CCNK: variants seen among roughly 807,000 people sequenced by gnomAD.
CCNK encodes the protein cyclin-K.
A neutral mutation model predicts 65.0 loss-of-function variants in CCNK; 9 were observed. That is an observed-to-expected ratio of 0.14 (90% confidence interval 0.08 to 0.24). The LOEUF is 0.24. CCNK is among the 10% of genes least tolerant of loss of function. The pLI is 1.00. For synonymous variants in CCNK, 279 were observed against 270.8 expected (o/e 1.03, Z -0.30); for missense variants, 474 against 720.0 (o/e 0.66, Z 3.91).
chr14:99,497,812 A>G (rs933060142), intron 4 of CCNK, among the ~76,000 whole-genome samples: 7 of 152,222 alleles, frequency 4.6e-5, no homozygotes, highest in Admixed American at 1.3e-4. Context: ...AGTATTGCCA[A>G]TGTGGGTAAC....
At chr14:99,496,870 G>A (rs191744693) in intron 4 of CCNK, among the ~76,000 whole-genome samples, 55 of 150,238 alleles carry the variant, frequency 3.7e-4, no homozygotes, top group Non-Finnish European at 5.0e-4. Context: ...CCAAGATTGC[G>A]CTACTGCACT....
chr14:99,492,497 C>T (rs1356728675), intron 1 of CCNK, 129 bp from the exon 2 acceptor site: 4 of 572,280 alleles, frequency 7.0e-6, no homozygotes, highest in Non-Finnish European at 1.2e-5. Context: ...TTAGCCCGGG[C>T]TTGTAACTGG....
chr14:99,507,192 C>G, intron 10 of CCNK, 45 bp downstream of exon 10: 2 of 1,160,728 alleles, frequency 1.7e-6, no homozygotes, highest in Non-Finnish European at 2.6e-6. Context: ...CACATCGCCT[C>G]TGAATGTTGG....
chr14:99,502,093 T>TTAAAGTACTATAAA, intron 6 of CCNK, 114 bp from the exon 7 acceptor site: 2 of 1,158,242 alleles, frequency 1.7e-6, no homozygotes, highest in African/African-American at 1.6e-5. Context: ...AGTACTTTAA[T>TTAAAGTACTATAAA]TAAATTTAGG....
At chr14:99,496,715 A>T (rs963248323) in intron 4 of CCNK, among the ~76,000 whole-genome samples, 9 of 151,790 alleles carry the variant, frequency 5.9e-5, no homozygotes, top group East Asian at 1.9e-4. Context: ...ATCTCAAAAA[A>T]AAATAAATAA....
intron 10 of CCNK, 145 bp from the exon 11 acceptor site, chr14:99,510,012 G>A (rs993419765): frequency 1.3e-5 from 10 of 746,244 alleles, no homozygotes; most frequent in Non-Finnish European, 1.9e-5. Flanking sequence ...TCAGGACATG[G>A]GGCATGGGCC....
intron 1 of CCNK, among the ~76,000 whole-genome samples, chr14:99,485,881 A>G (rs1209119433): frequency 6.6e-6 from 1 of 152,140 alleles, no homozygotes; most frequent in African/African-American, 2.4e-5. Flanking sequence ...AAAAAAGAAT[A>G]ACCTATTTCC....
chr14:99,483,245 T>C (rs1405947174), intron 1 of CCNK, among the ~76,000 whole-genome samples: 1 of 152,028 alleles, frequency 6.6e-6, no homozygotes, highest in Non-Finnish European at 1.5e-5. Context: ...CAGCAGAGCT[T>C]CAGTGAGAAA....
intron 4 of CCNK, among the ~76,000 whole-genome samples, chr14:99,498,141 C>A (rs1036175620): frequency 3.3e-5 from 5 of 152,206 alleles, no homozygotes; most frequent in African/African-American, 9.7e-5. Flanking sequence ...GGACTCGTGG[C>A]AGCTGCTGGT....
At chr14:99,499,424 T>TA (rs1161656430) in intron 4 of CCNK, among the ~76,000 whole-genome samples, 1 of 152,224 alleles carries the variant, frequency 6.6e-6, no homozygotes, top group Admixed American at 6.5e-5. Flanking sequence ...TGAAAAACCT[T>TA]AGTCTTGCCA....
intron 4 of CCNK, chr14:99,500,307 C>T: frequency 5.4e-6 from 1 of 185,408 alleles, no homozygotes; most frequent in Non-Finnish European, 1.1e-5. Context: ...CACATACACA[C>T]ACACTGGTAC....
In CCNK at chr14:99,502,087, CTTTAA is replaced by C. The variant is rs375538332; in HGVS notation, c.576-117_576-113del. The C allele has an allele frequency of 4.4e-4, 492 of 1,111,624 alleles. 1 individual carries two copies. The African/African-American group carries it at 7.1e-3, about 16-fold the overall frequency. 68.9% of individuals were successfully genotyped at this position (1,111,624 alleles called of 1,614,324 possible). On this transcript the variant is annotated intron_variant, in intron 6 of 10. Transcript: ENST00000389879. ...GACTTGAGTTTATTTATTTATAGTACTTTAATTAAATTTAGGGGAGAATAAGCAAA... is the reference window on the plus strand; with the variant it reads ...GACTTGAGTTTATTTATTTATAGTACTTAAATTTAGGGGAGAATAAGCAAA...
rs1897115391 is a variant in CCNK, at chr14:99,510,901, A to AGAATG, written c.*122_*126dup. ...AATGCACGACAGTTGCAGTATGGGA[A>AGAATG]GAATGGACCGGGCCCCTGGGATAAA... On this transcript the variant is annotated 3_prime_UTR_variant, in exon 11 of 11. Coordinates refer to ENST00000389879, the MANE Select transcript of CCNK (RefSeq NM_001099402.2). The AGAATG allele has an allele frequency of 2.3e-6, 2 of 882,386 alleles. No homozygotes were observed. The highest frequency in any genetic ancestry group is 3.1e-6 in the Non-Finnish European group (2 of 652,792). 54.7% of individuals were successfully genotyped at this position (882,386 alleles called of 1,614,324 possible).
In CCNK at chr14:99,502,309, C is replaced by A; in HGVS notation, c.678C>A (p.Thr226=). 1 of 1,613,248 alleles carries A rather than the reference C, an allele frequency of 6.2e-7. No individual in the cohort carries two copies. The highest frequency in any genetic ancestry group is 1.1e-5 in the South Asian group (1 of 90,836). Residue 226 remains threonine, a synonymous_variant, in exon 7 of 11, where the codon ACC becomes ACA. Transcript: ENST00000389879. The stretch of plus-strand genomic sequence containing the variant: ...GCAAATTTGAAATACAAGAATGGAC[C>A]TCCAAACCCATGTATAGGAGATGGT... ...RLCKFEIQEW[T]SKPMYRRWWE... is the part of the protein sequence containing the mutation.
At chr14:99,507,268 G>A (rs1896998913) in intron 10 of CCNK, 121 bp downstream of exon 10, 3 of 747,464 alleles carry the variant, frequency 4.0e-6, no homozygotes, top group East Asian at 2.5e-5. Flanking sequence ...TCAGCCACAG[G>A]CAGGAATCTT....
At position 99,502,367 on chromosome 14, in the gene CCNK, G is replaced by A. The variant is rs750789680; in HGVS notation, c.736G>A (p.Val246Ile). The change falls in exon 7 of 11, where the codon GTT becomes ATT. Residue 246 changes from valine (V) to isoleucine (I), a missense_variant. Transcript: ENST00000389879. ...GTTTGTTCAAGATGTCCCGGTCGAC[G>A]TTTTGGAAGGTACCAGGCATGCTAA... ...EQFVQDVPVD[V>I]LEDICHQILD... 48 of 1,613,468 alleles carry A rather than the reference G, an allele frequency of 3.0e-5. No homozygotes were observed. In the East Asian group the frequency reaches 4.5e-4, roughly 15 times the overall value.
rs1333281843 is a variant in CCNK, at chr14:99,502,230, A to G, written c.599A>G (p.Gln200Arg). 2 of 1,599,388 alleles carry G rather than the reference A, an allele frequency of 1.3e-6. No homozygotes were observed. The highest frequency in any genetic ancestry group is 1.7e-6 in the Non-Finnish European group (2 of 1,172,386). Residue 200 changes from glutamine (Q) to arginine (R), a missense_variant, in exon 7 of 11, where the codon CAG becomes CGG. Physicochemically the swap from Gln to Arg is conservative, Grantham distance 43 (BLOSUM62 1). Coordinates refer to ENST00000389879, the MANE Select transcript of CCNK (RefSeq NM_001099402.2). ...NDSLCTTLSL[Q>R]WEPEIIAVAV... ...AGTCTCTGCACCACCTTGTCACTGC[A>G]GTGGGAACCAGAGATCATAGCAGTA...
rs1371558112 is a variant in CCNK, at chr14:99,502,976, C to A, written c.1003C>A (p.Arg335=). ...GCCCAGTTCTCCCCGACAGGTTAAG[C>A]GAGCCGTGGTGAGTGGGCTAAAGCA... is the stretch of plus-strand genomic sequence containing the variant. ...PQPSSPRQVK[R]AVVVSPKEEN... is the part of the protein sequence containing the mutation. Residue 335 remains arginine, a synonymous_variant, in exon 8 of 11, where the codon CGA becomes AGA. Coordinates refer to ENST00000389879, the MANE Select transcript of CCNK (RefSeq NM_001099402.2). 2 of 1,613,972 alleles carry A rather than the reference C, an allele frequency of 1.2e-6. No individual in the cohort carries two copies. Among genetic ancestry groups the A allele is most frequent in the South Asian group, 1.1e-5 (1 of 91,076 alleles).
intron 1 of CCNK, among the ~76,000 whole-genome samples, chr14:99,491,775 CT>C (rs1440987523): frequency 1.3e-5 from 2 of 152,204 alleles, no homozygotes; most frequent in African/African-American, 4.8e-5. Flanking sequence ...CTGCTGTTTT[CT>C]TGCTAACCAG....
Sources: allele counts gnomAD v4.1 joint callset (sites outside exome capture counted in the v4.1 genomes callset), GRCh38; gene constraint gnomAD v4.1.1; transcripts MANE v1.5; gene names NCBI Gene and HGNC (gene_info 2026-07-23, HGNC 2026-07-21).